The following PROM1 variants were observed in gnomAD, a reference collection of about 807,000 sequenced individuals.
PROM1 encodes prominin 1.
A neutral mutation model predicts 116.9 loss-of-function variants in PROM1; 105 were observed. The observed-to-expected ratio is 0.90, with a 90% CI of 0.77 to 1.06. The LOEUF is 1.06. Among genes scored for constraint, PROM1 ranks in the 50% least tolerant of loss-of-function variants. The pLI is 0.00. For synonymous variants in PROM1, 393 were observed against 387.0 expected (o/e 1.02, Z -0.18); for missense variants, 1,122 against 1,045.2 (o/e 1.07, Z -1.01).
chr4:16,056,403 T>C (rs1276956915), intron 2 of PROM1, among the ~76,000 whole-genome samples: 2 of 152,040 alleles, frequency 1.3e-5, no homozygotes, highest in African/African-American at 4.8e-5. Flanking sequence ...GCAACAATTA[T>C]GGGGTACTTG....
At chr4:16,059,046 C>T (rs913379823) in intron 2 of PROM1, among the ~76,000 whole-genome samples, 1 of 152,168 alleles carries the variant, frequency 6.6e-6, no homozygotes, top group African/African-American at 2.4e-5. Context: ...TTCAGAATCA[C>T]TCCACTTGTT....
intron 2 of PROM1, among the ~76,000 whole-genome samples, chr4:16,071,206 A>C (rs1381947322): frequency 6.6e-6 from 1 of 152,086 alleles, no homozygotes; most frequent in Non-Finnish European, 1.5e-5. Flanking sequence ...TCTCTTCCCC[A>C]AACTGAATTC....
chr4:15,989,789 A>T lies in PROM1; in HGVS notation c.2019T>A (p.Asp673Glu). ...GGTGAATTGTTTTAATAGTTTGTGC[A>T]TCTCTTTTCAGGGAGTTCCTCAAAT... is the stretch of plus-strand genomic sequence containing the variant. ...PGNLRNSLKR[D>E]AQTIKTIHQQ... The change falls in exon 19 of 28, where the codon GAT (aspartate) becomes GAA (glutamate). Residue 673 changes from aspartate (D) to glutamate (E), a missense_variant. Physicochemically the swap from Asp to Glu is conservative, Grantham distance 45. Coordinates refer to ENST00000447510, the MANE Select transcript of PROM1 (RefSeq NM_006017.3). The T allele has an allele frequency of 6.2e-7, 1 of 1,609,590 alleles. No homozygotes were observed. Among genetic ancestry groups the T allele is most frequent in the Admixed American group, 1.7e-5 (1 of 59,496 alleles).
chr4:16,029,400 C>T (rs548729107), intron 5 of PROM1, among the ~76,000 whole-genome samples: 7 of 150,892 alleles, frequency 4.6e-5, no homozygotes, highest in African/African-American at 7.3e-5. Context: ...AGAAATGCAG[C>T]GGTGACAAGC....
At chr4:15,976,727 T>C (rs1427344867) in intron 26 of PROM1, among the ~76,000 whole-genome samples, 1 of 152,220 alleles carries the variant, frequency 6.6e-6, no homozygotes, top group African/African-American at 2.4e-5. Context: ...TCCCTTTCAA[T>C]TGCAGGAGGA....
At chr4:15,989,516 T>C (rs1720412810) in intron 19 of PROM1, among the ~76,000 whole-genome samples, 1 of 152,248 alleles carries the variant, frequency 6.6e-6, no homozygotes, top group Admixed American at 6.5e-5. Context: ...ACAGATTTTA[T>C]CTAACTGTTC....
chr4:16,040,448 G>C (rs141281786), intron 2 of PROM1, among the ~76,000 whole-genome samples: 1 of 152,298 alleles, frequency 6.6e-6, no homozygotes, highest in East Asian at 1.9e-4. Flanking sequence ...TACAGATCAG[G>C]CTTTAACATT....
intron 15 of PROM1, 101 bp downstream of exon 15, chr4:15,998,284 A>G (rs1722824660): frequency 7.0e-7 from 1 of 1,424,010 alleles, no homozygotes; most frequent in East Asian, 2.8e-5. Context: ...CTGAAACATG[A>G]AAGTCATATA....
chr4:16,014,449 A>G (rs539666437), intron 10 of PROM1, among the ~76,000 whole-genome samples: 2 of 152,368 alleles, frequency 1.3e-5, no homozygotes, highest in Non-Finnish European at 2.9e-5. Flanking sequence ...TAACAAATGA[A>G]GTAACACCAG....
At chr4:15,989,664 G>T in intron 19 of PROM1, 68 bp downstream of exon 19, 1 of 1,323,470 alleles carries the variant, frequency 7.6e-7, no homozygotes, top group Non-Finnish European at 1.1e-6. Context: ...GAGGCTAAAT[G>T]AAAGCCAACT....
At chr4:15,978,413 C>T (rs1716791754) in intron 26 of PROM1, among the ~76,000 whole-genome samples, 1 of 152,134 alleles carries the variant, frequency 6.6e-6, no homozygotes, top group Non-Finnish European at 1.5e-5. Flanking sequence ...CAAGGTGGAG[C>T]ATCAACTGTT....
intron 12 of PROM1, 87 bp downstream of exon 12, chr4:16,008,862 A>G: frequency 7.6e-7 from 1 of 1,310,038 alleles, no homozygotes; most frequent in Non-Finnish European, 1.1e-6. Flanking sequence ...TGCTCTCATA[A>G]GATTATCCTG....
At chr4:16,071,542 A>G (rs1238051212) in intron 2 of PROM1, among the ~76,000 whole-genome samples, 1 of 152,198 alleles carries the variant, frequency 6.6e-6, no homozygotes, top group African/African-American at 2.4e-5. Context: ...TTAGGTCATA[A>G]GGGTGAGACC....
intron 15 of PROM1, among the ~76,000 whole-genome samples, chr4:15,995,816 G>C (rs549160946): frequency 6.6e-6 from 1 of 152,144 alleles, no homozygotes; most frequent in African/African-American, 2.4e-5. Flanking sequence ...GGCTTCTAGA[G>C]TAGCCTCAAT....
intron 2 of PROM1, among the ~76,000 whole-genome samples, chr4:16,043,678 T>C (rs897424521): frequency 1.3e-5 from 2 of 152,164 alleles, no homozygotes; most frequent in African/African-American, 4.8e-5. Flanking sequence ...GCTGAGAAGG[T>C]GGCAGGGATG....
intron 10 of PROM1, among the ~76,000 whole-genome samples, chr4:16,014,053 C>A (rs1250748177): frequency 6.6e-6 from 1 of 152,070 alleles, no homozygotes; most frequent in African/African-American, 2.4e-5. Flanking sequence ...TGGGGCTAAA[C>A]CCCCCATGAG....
chr4:15,981,361 G>T (rs1717893424), intron 23 of PROM1, among the ~76,000 whole-genome samples: 1 of 151,648 alleles, frequency 6.6e-6, no homozygotes, highest in Non-Finnish European at 1.5e-5. Context: ...ACGAGGTTAG[G>T]AGGTCGAGAC....
Position 15,991,274 on chromosome 4 carries a change from C to T in PROM1, c.1931G>A (p.Gly644Glu). 3 of 1,604,550 alleles carry T rather than the reference C, an allele frequency of 1.9e-6. No homozygotes were observed. The highest frequency in any genetic ancestry group is 2.5e-6 in the Non-Finnish European group (3 of 1,176,764). Residue 644 changes from glycine (G) to glutamate (E), a missense_variant, in exon 18 of 28, where the codon GGA becomes GAA. Transcript: ENST00000447510. ...YLAQTGKSPA[G>E]VNLLSFAYDL... is the part of the protein sequence containing the mutation. ...ATATGCAAATGATAAAAGATTCACT[C>T]CTGCGGGGGATTTACCAGTCTACAA...
intron 19 of PROM1, 109 bp from the exon 20 acceptor site, chr4:15,987,825 T>C (rs1383916538): frequency 2.4e-6 from 2 of 837,510 alleles, no homozygotes; most frequent in South Asian, 1.6e-5. Context: ...CTTTACACTG[T>C]AATGGTTTCA....
Sources: allele counts gnomAD v4.1 joint callset (sites outside exome capture counted in the v4.1 genomes callset), GRCh38; gene constraint gnomAD v4.1.1; transcripts MANE v1.5; gene names NCBI Gene and HGNC (gene_info 2026-07-23, HGNC 2026-07-21).